Variants in HOOK3 observed in about 807,000 individuals in gnomAD.
HOOK3 encodes protein Hook homolog 3.
In HOOK3, 24 loss-of-function variants were observed where a neutral mutation model predicts 116.3. The ratio of observed to expected loss-of-function variants is 0.21; its 90% CI spans 0.15 to 0.29. The LOEUF (loss-of-function observed/expected upper bound fraction) is 0.29, where lower values mean the gene tolerates loss of function less well. HOOK3 is among the 10% of genes least tolerant of loss of function. HOOK3 has a pLI of 1.00. For synonymous variants in HOOK3, 275 were observed against 283.0 expected, an observed-to-expected ratio of 0.97 and a Z score of 0.28; for missense variants, 632 against 830.2, an observed-to-expected ratio of 0.76 and a Z score of 2.93.
chr8:42,970,648 G>T (rs1031927411), intron 11 of HOOK3, among the ~76,000 whole-genome samples: 22 of 151,958 alleles, frequency 1.4e-4, no homozygotes, highest in African/African-American at 5.3e-4. Flanking sequence ...TCACTTTATT[G>T]CTAATTTATA....
At chr8:42,994,393 G>A (rs1011464909) in intron 15 of HOOK3, 4 of 391,146 alleles carry the variant, frequency 1.0e-5, no homozygotes, top group Non-Finnish European at 1.5e-5. Flanking sequence ...CAGTGGCATC[G>A]TTAGGTTGTT....
At chr8:42,947,455 C>T (rs1172820253) in intron 5 of HOOK3, among the ~76,000 whole-genome samples, 3 of 152,128 alleles carry the variant, frequency 2.0e-5, no homozygotes, top group African/African-American at 7.2e-5. Context: ...TACCTATATG[C>T]ATATTCCTGT....
chr8:42,959,179 A>G (rs1808492079), intron 7 of HOOK3, 52 bp from the exon 8 acceptor site: 1 of 1,198,518 alleles, frequency 8.3e-7, no homozygotes, highest in Non-Finnish European at 1.2e-6. Flanking sequence ...CATACGAATT[A>G]TTAATTGTTA....
At chr8:42,915,781 C>G (rs1807522575) in intron 2 of HOOK3, among the ~76,000 whole-genome samples, 1 of 152,178 alleles carries the variant, frequency 6.6e-6, no homozygotes, top group Non-Finnish European at 1.5e-5. Context: ...CCTAACCTGT[C>G]AGCGTCATTT....
chr8:42,934,864 G>A (rs1807936998), intron 4 of HOOK3, among the ~76,000 whole-genome samples: 1 of 152,186 alleles, frequency 6.6e-6, no homozygotes, highest in South Asian at 2.1e-4. Flanking sequence ...GTGTGCATGT[G>A]TCTTTATAGT....
chr8:42,904,117 G>A (rs911208163), intron 1 of HOOK3, among the ~76,000 whole-genome samples: 3 of 152,040 alleles, frequency 2.0e-5, no homozygotes, highest in Non-Finnish European at 4.4e-5. Context: ...TGACCTAGCA[G>A]TTTTACTTCT....
chr8:42,962,544 C>A (rs1054719154), intron 8 of HOOK3, among the ~76,000 whole-genome samples: 3 of 150,842 alleles, frequency 2.0e-5, no homozygotes, highest in Non-Finnish European at 4.4e-5. Context: ...GTAGTGGGGA[C>A]CATAGGCATT....
At chr8:42,976,530 A>T (rs1274502741) in intron 13 of HOOK3, among the ~76,000 whole-genome samples, 2 of 152,024 alleles carry the variant, frequency 1.3e-5, no homozygotes, top group African/African-American at 4.8e-5. Context: ...TAATAGGACA[A>T]TTTGGTAAGG....
At chr8:42,943,541 C>A in intron 5 of HOOK3, 96 bp downstream of exon 5, 1 of 811,634 alleles carries the variant, frequency 1.2e-6, no homozygotes, top group Non-Finnish European at 1.7e-6. Context: ...CCAACAGTAA[C>A]ATCTGTTTAA....
At chr8:42,983,051 C>T (rs148990442) in intron 14 of HOOK3, among the ~76,000 whole-genome samples, 1 of 152,240 alleles carries the variant, frequency 6.6e-6, no homozygotes, top group African/African-American at 2.4e-5. Flanking sequence ...TATCTGCTAA[C>T]CAGCTGGGCT....
Position 42,896,989 on chromosome 8 carries a change from C to CA in HOOK3, c.-142dup. The CA allele has an allele frequency of 1.6e-5, 8 of 506,770 alleles. No homozygotes were observed. The highest frequency in any genetic ancestry group is 1.0e-4 in the South Asian group (1 of 9,994). The allele number at this position is 506,770 out of a possible 1,614,324, so 31.4% of individuals were successfully genotyped here. On this transcript the variant is annotated 5_prime_UTR_variant, in exon 1 of 22. Coordinates refer to ENST00000307602, the MANE Select transcript of HOOK3 (RefSeq NM_032410.4). ...GGGGGTGACGGTGCGGAGCCGCTGC[C>CA]AGCGCTGGGCGAGAGTCGGCGGCCG... is the stretch of plus-strand genomic sequence containing the variant.
At chr8:42,920,950 G>A (rs779347241) in intron 2 of HOOK3, among the ~76,000 whole-genome samples, 3 of 152,120 alleles carry the variant, frequency 2.0e-5, no homozygotes, top group Non-Finnish European at 4.4e-5. Flanking sequence ...TGATTTTGTT[G>A]TCTTCCCTTC....
chr8:42,901,348 AATAG>A (rs1807185281), intron 1 of HOOK3, among the ~76,000 whole-genome samples: 4 of 152,232 alleles, frequency 2.6e-5, no homozygotes, highest in Admixed American at 2.6e-4. Context: ...GCTATCCTGA[AATAG>A]ATGTTAGCTC....
At chr8:43,007,361 C>A (rs569400284) in intron 17 of HOOK3, among the ~76,000 whole-genome samples, 137 of 152,300 alleles carry the variant, frequency 9.0e-4, no homozygotes, top group African/African-American at 3.2e-3. Context: ...ATCTGTATCA[C>A]CTTCCACTCA....
Position 43,011,126 on chromosome 8 carries a change from A to G in HOOK3, c.1839+721A>G, listed in dbSNP as rs372618512. Reference sequence around the variant, plus strand: ...TCCTGCCTCAGCCTCCCGAGTAGCTAGGACTACAGGCGCCTGCCACCACAC... The same window carrying G: ...TCCTGCCTCAGCCTCCCGAGTAGCTGGGACTACAGGCGCCTGCCACCACAC... On this transcript the variant is annotated intron_variant, in intron 19 of 21. Transcript: ENST00000307602. 1.1e-3 allele frequency among the ~76,000 whole-genome samples: 163 copies of G among 151,924 alleles called. 1 individual carries two copies. The highest frequency in any genetic ancestry group is 3.9e-3 in the East Asian group (20 of 5,136).
chr8:42,940,972 C>T (rs932974350), intron 4 of HOOK3, among the ~76,000 whole-genome samples: 1 of 151,788 alleles, frequency 6.6e-6, no homozygotes, highest in African/African-American at 2.4e-5. Context: ...GATGGAGTCT[C>T]ACTCTGGCAT....
intron 18 of HOOK3, among the ~76,000 whole-genome samples, chr8:43,008,212 G>A (rs1050632360): frequency 4.0e-5 from 6 of 151,826 alleles, no homozygotes; most frequent in African/African-American, 9.7e-5. Flanking sequence ...TAGAGATGGG[G>A]TTTCACCATG....
At chr8:42,906,765 C>CAT (rs1295334584) in intron 2 of HOOK3, among the ~76,000 whole-genome samples, 1 of 152,198 alleles carries the variant, frequency 6.6e-6, no homozygotes, top group Non-Finnish European at 1.5e-5. Context: ...TCCCCAAACA[C>CAT]ATATACACAG....
chr8:43,022,139 G>A lies in HOOK3; in HGVS notation c.*3641G>A, dbSNP rs898479896. 5.3e-5 allele frequency: 10 copies of A among 189,338 alleles called. No homozygotes were observed. Among genetic ancestry groups the A allele is most frequent in the African/African-American group, 2.5e-4 (10 of 40,652 alleles). 11.7% of individuals were successfully genotyped at this position (189,338 alleles called of 1,614,324 possible). On this transcript the variant is annotated 3_prime_UTR_variant, in exon 22 of 22. Transcript: ENST00000307602. ...TATACTTTAGGTATCAGAAAGCCAA[G>A]AATAAAATTTAGCTCTAACGGTGGC... is the stretch of plus-strand genomic sequence containing the variant.
Sources: gnomAD v4.1 joint callset for allele counts (sites outside exome capture counted in the v4.1 genomes callset) on GRCh38, gnomAD v4.1.1 for gene constraint, MANE v1.5 for transcripts, NCBI Gene and HGNC (gene_info 2026-07-23, HGNC 2026-07-21) for gene names.